The following DIPK1A variants were observed in gnomAD, a reference collection of about 807,000 sequenced individuals.
The protein encoded by DIPK1A is divergent protein kinase domain 1A.
DIPK1A carries 27 observed loss-of-function variants against 40.8 expected under a neutral mutation model. That is an observed-to-expected ratio of 0.66 (90% CI 0.49 to 0.91). DIPK1A has a LOEUF of 0.91. Ranked by LOEUF, DIPK1A falls within the 40% of genes least tolerant of loss-of-function variation. The pLI is 0.00. For missense variants in DIPK1A, 412 were observed against 505.7 expected (o/e 0.81, Z 1.78); for synonymous variants, 166 against 171.3 (o/e 0.97, Z 0.24).
rs1271175271 is a variant in DIPK1A, at chr1:92,843,396, G to C, written c.1274C>G (p.Thr425Ser). 13 of 1,541,314 alleles carry C rather than the reference G, an allele frequency of 8.4e-6. No homozygotes were observed. The highest frequency in any genetic ancestry group is 4.1e-5 in the African/African-American group (3 of 72,710). Residue 425 changes from threonine (T) to serine (S), a missense_variant, in exon 5 of 5, where the codon ACT (threonine) becomes AGT (serine). Physicochemically the swap from Thr to Ser is moderately conservative, Grantham distance 58. Coordinates refer to ENST00000370310, the MANE Select transcript of DIPK1A (RefSeq NM_001006605.5). ...TGTCCAAATGAACTAAGAGTCATTA[G>C]TGTAGGAAATTTTCTTCCACAATAA... is the stretch of plus-strand genomic sequence containing the variant. ...KTLLWKKISY[T>S]NDS
At chr1:92,871,047 T>C (rs890261686) in intron 2 of DIPK1A, among the ~76,000 whole-genome samples, 8 of 152,224 alleles carry the variant, frequency 5.3e-5, no homozygotes, top group African/African-American at 1.9e-4. Context: ...TAAGTCTGCT[T>C]TCCAGGGAAT....
At chr1:92,852,085 G>A (rs1687842803) in intron 2 of DIPK1A, among the ~76,000 whole-genome samples, 1 of 152,188 alleles carries the variant, frequency 6.6e-6, no homozygotes, top group Non-Finnish European at 1.5e-5. Flanking sequence ...ATGGCTGGCT[G>A]AAGGAGACCT....
chr1:92,948,765 ATGTG>A (rs71577603), intron 1 of DIPK1A, among the ~76,000 whole-genome samples: 1 of 142,074 alleles, frequency 7.0e-6, no homozygotes, highest in African/African-American at 2.6e-5. Context: ...ATGTATATAT[ATGTG>A]TGTGTGTGTA....
intron 1 of DIPK1A, among the ~76,000 whole-genome samples, chr1:92,910,767 A>C (rs1311498900): frequency 2.0e-5 from 3 of 152,148 alleles, no homozygotes; most frequent in African/African-American, 7.2e-5. Flanking sequence ...TTTTCCCCAT[A>C]TTGACATTGA....
At chr1:92,946,960 A>AAAC (rs1557496654) in intron 1 of DIPK1A, among the ~76,000 whole-genome samples, 1 of 147,616 alleles carries the variant, frequency 6.8e-6, no homozygotes, top group African/African-American at 2.5e-5. Context: ...AAAAAAAAAA[A>AAAC]ACCACACAGA....
chr1:92,835,018 G>C, intron 4 of DIPK1A: 1 of 1,512,194 alleles, frequency 6.6e-7, no homozygotes, highest in Non-Finnish European at 9.1e-7. Flanking sequence ...TGTGCTTCAG[G>C]AGAGTGCTTG....
intron 1 of DIPK1A, among the ~76,000 whole-genome samples, chr1:92,877,583 T>C (rs986941227): frequency 6.6e-6 from 1 of 152,192 alleles, no homozygotes; most frequent in African/African-American, 2.4e-5. Flanking sequence ...GATATCTTTG[T>C]GAGGTTAACA....
At position 92,888,484 on chromosome 1, in the gene DIPK1A, C is replaced by T. The variant is rs541722653; in HGVS notation, c.55-12054G>A. On this transcript the variant is annotated intron_variant, in intron 1 of 4. Transcript: ENST00000370310. ...ATCTTGGCTATTGTGAATAGTGCTACAATAAATATAAGAGTACAGATACTT... is the reference window on the plus strand; with the variant it reads ...ATCTTGGCTATTGTGAATAGTGCTATAATAAATATAAGAGTACAGATACTT... Among the ~76,000 whole-genome samples the T allele has an allele frequency of 2.6e-5, 4 of 152,222 alleles. No individual in the cohort carries two copies. The South Asian group carries it at 8.3e-4, about 32-fold the overall frequency.
rs769428365 is a variant in DIPK1A, at chr1:92,833,684, CCTTT to C, written c.475-654_475-651del. The C allele has an allele frequency of 3.8e-6, 6 of 1,574,642 alleles. No individual in the cohort carries two copies. The South Asian group carries it at 6.7e-5, about 17-fold the overall frequency. ...AGGTAAGTTGTATTCTAGACAGTCC[CCTTT>C]TTTTATTGCTAGAGAAATTGTGCTT... On this transcript the variant is annotated intron_variant, in intron 4 of 4. Transcript: ENST00000615519.
At chr1:92,945,940 C>A (rs1651344758) in intron 1 of DIPK1A, among the ~76,000 whole-genome samples, 1 of 152,132 alleles carries the variant, frequency 6.6e-6, no homozygotes, top group Non-Finnish European at 1.5e-5. Flanking sequence ...TTAGGGATCC[C>A]AAAGGCTAGG....
chr1:92,958,431 G>A (rs958179804), intron 1 of DIPK1A, among the ~76,000 whole-genome samples: 1 of 152,236 alleles, frequency 6.6e-6, no homozygotes, highest in Non-Finnish European at 1.5e-5. Context: ...AAGACAAACA[G>A]CATAACTGCA....
At chr1:92,942,954 C>T (rs1284307367) in intron 1 of DIPK1A, among the ~76,000 whole-genome samples, 1 of 152,212 alleles carries the variant, frequency 6.6e-6, no homozygotes, top group Non-Finnish European at 1.5e-5. Flanking sequence ...TGGGCCACTG[C>T]GCCCAGCTAA....
intron 4 of DIPK1A, chr1:92,836,210 G>A (rs1203679883): frequency 1.9e-6 from 3 of 1,612,454 alleles, no homozygotes; most frequent in Non-Finnish European, 2.5e-6. Context: ...GGTTTGGCAT[G>A]GACAAGATCT....
At chr1:92,931,361 G>T in intron 1 of DIPK1A, 1 of 241,898 alleles carries the variant, frequency 4.1e-6, no homozygotes. Flanking sequence ...AAGAAAAAAG[G>T]ACTGAGTGCA....
chr1:92,900,460 T>C (rs1475657183), intron 1 of DIPK1A, among the ~76,000 whole-genome samples: 1 of 152,184 alleles, frequency 6.6e-6, no homozygotes. Context: ...TTGGTTCTTG[T>C]TTATGATTCT....
In DIPK1A at chr1:92,845,541, GAA is replaced by G. The variant is rs545634818; in HGVS notation, c.475-1348_475-1347del. ...AAAAAAAAAAAAAACCGTCTCTGCTGAAAAAAAAAAAAAAATGCTGGATGCGG... is the reference window on the plus strand; with the variant it reads ...AAAAAAAAAAAAAACCGTCTCTGCTGAAAAAAAAAAAAATGCTGGATGCGG... On this transcript the variant is annotated intron_variant, in intron 4 of 4. Coordinates refer to ENST00000370310, the MANE Select transcript of DIPK1A (RefSeq NM_001006605.5). The G allele has an allele frequency of 5.8e-3, 1,298 of 225,166 alleles. 3 individuals are homozygous for G. Among genetic ancestry groups the G allele is most frequent in the African/African-American group, 0.018 (492 of 27,384 alleles). The allele number at this position is 225,166 out of a possible 1,614,324, so 13.9% of individuals were successfully genotyped here.
intron 1 of DIPK1A, among the ~76,000 whole-genome samples, chr1:92,950,364 G>A (rs572606686): frequency 6.6e-6 from 1 of 152,298 alleles, no homozygotes; most frequent in East Asian, 1.9e-4. Flanking sequence ...GACAATATAG[G>A]AAGGGGCAAG....
At chr1:92,840,361 C>T, downstream of DIPK1A, 2 of 562,710 alleles carry the variant, frequency 3.6e-6, no homozygotes, top group South Asian at 4.0e-5. Flanking sequence ...ATTCACATTG[C>T]ATAAGGTGAA....
chr1:92,925,932 G>GATAC (rs1650487185), intron 1 of DIPK1A, among the ~76,000 whole-genome samples: 1 of 152,164 alleles, frequency 6.6e-6, no homozygotes, highest in Non-Finnish European at 1.5e-5. Flanking sequence ...GAAGTTTACA[G>GATAC]ATACATAATC....
Sources: gnomAD v4.1 joint callset for allele counts (sites outside exome capture counted in the v4.1 genomes callset) on GRCh38, gnomAD v4.1.1 for gene constraint, MANE v1.5 for transcripts, NCBI Gene and HGNC (gene_info 2026-07-23, HGNC 2026-07-21) for gene names.